TAOK1: variants seen among roughly 807,000 people sequenced by gnomAD.
TAOK1 encodes TAO kinase 1, also known as serine/threonine-protein kinase TAO1.
A neutral mutation model predicts 138.3 loss-of-function variants in TAOK1; 21 were observed. The ratio of observed to expected loss-of-function variants is 0.15; its 90% CI spans 0.11 to 0.22. TAOK1 has a LOEUF of 0.22. Among genes scored for constraint, TAOK1 ranks in the 10% least tolerant of loss-of-function variants. TAOK1 has a pLI of 1.00. For missense variants in TAOK1, 651 were observed against 1,227.7 expected (o/e 0.53, Z 7.02); for synonymous variants, 361 against 398.4 (o/e 0.91, Z 1.12).
chr17:29,534,928 G>GGTGTGT (rs71138832), intron 19 of TAOK1, among the ~76,000 whole-genome samples: 3,118 of 147,296 alleles, frequency 0.021, 53 homozygotes, highest in African/African-American at 0.049. Flanking sequence ...AGGATACTAA[G>GGTGTGT]GTGTGTGTGT....
At chr17:29,451,160 T>C (rs767984455) in intron 1 of TAOK1, among the ~76,000 whole-genome samples, 4 of 152,242 alleles carry the variant, frequency 2.6e-5, no homozygotes, top group Non-Finnish European at 4.4e-5. Context: ...TCTTCTCTAT[T>C]GATGAGATGA....
chr17:29,484,650 G>A (rs2153027102), intron 8 of TAOK1, among the ~76,000 whole-genome samples: 1 of 152,120 alleles, frequency 6.6e-6, no homozygotes, highest in South Asian at 2.1e-4. Context: ...TGTTGTCCAG[G>A]CTGGAGTGTA....
rs1342911624 is a variant in TAOK1, at chr17:29,546,479, G to A, written c.*3457G>A. 1 of 151,936 alleles carries A rather than the reference G, an allele frequency of 6.6e-6. No individual in the cohort carries two copies. Among genetic ancestry groups the A allele is most frequent in the East Asian group, 1.9e-4 (1 of 5,184 alleles). 9.4% of individuals were successfully genotyped at this position (151,936 alleles called of 1,614,324 possible). A position where few individuals can be genotyped will look rare whatever the true frequency, so the allele number is the denominator to read the frequency against. On this transcript the variant is annotated 3_prime_UTR_variant, in exon 20 of 20. Coordinates refer to ENST00000261716, the MANE Select transcript of TAOK1 (RefSeq NM_020791.4). The stretch of plus-strand genomic sequence containing the variant: ...TATTTCTGTAAGTACTAAATGTCTG[G>A]CATTTTAAACTTTTGTAGAATACAT...
intron 8 of TAOK1, among the ~76,000 whole-genome samples, chr17:29,487,454 A>G (rs1053618590): frequency 6.6e-6 from 1 of 152,132 alleles, no homozygotes; most frequent in Non-Finnish European, 1.5e-5. Flanking sequence ...GTACATGTAT[A>G]TATTCCCAAC....
chr17:29,487,077 C>T (rs1294969469), intron 8 of TAOK1, among the ~76,000 whole-genome samples: 1 of 151,906 alleles, frequency 6.6e-6, no homozygotes, highest in Non-Finnish European at 1.5e-5. Context: ...GGTGAAACCC[C>T]GTCTCTACTA....
At chr17:29,417,634 A>C (rs1313086760) in intron 1 of TAOK1, among the ~76,000 whole-genome samples, 2 of 151,960 alleles carry the variant, frequency 1.3e-5, no homozygotes, top group East Asian at 3.9e-4. Context: ...CCTTCCCTAT[A>C]GTTTCTTCTG....
At chr17:29,395,207 G>A (rs998700752) in intron 1 of TAOK1, among the ~76,000 whole-genome samples, 8 of 152,136 alleles carry the variant, frequency 5.3e-5, no homozygotes, top group East Asian at 1.9e-4. Context: ...TCATGCCACC[G>A]CACTCTAGCC....
chr17:29,487,878 A>G (rs1240499815), intron 8 of TAOK1, among the ~76,000 whole-genome samples: 2 of 152,228 alleles, frequency 1.3e-5, no homozygotes, highest in Non-Finnish European at 2.9e-5. Context: ...AAACTTTATC[A>G]TGAAGAAGAC....
chr17:29,509,611 AG>A (rs2031683172), intron 14 of TAOK1, among the ~76,000 whole-genome samples: 1 of 151,958 alleles, frequency 6.6e-6, no homozygotes, highest in African/African-American at 2.4e-5. Flanking sequence ...GTATATAACC[AG>A]GATGGGTGCA....
chr17:29,493,408 C>T lies in TAOK1; in HGVS notation c.831+1543C>T, dbSNP rs1018954281. Among the ~76,000 whole-genome samples, 11 of 150,742 alleles carry T rather than the reference C, an allele frequency of 7.3e-5. No homozygotes were observed. In the East Asian group the frequency reaches 1.6e-3, roughly 22 times the overall value. On this transcript the variant is annotated intron_variant, in intron 10 of 19. Coordinates refer to ENST00000261716, the MANE Select transcript of TAOK1 (RefSeq NM_020791.4). ...ACTCAGGAGGCTGACGCAGGAGAAT[C>T]GCTTGAACCCAGGAGGCAGAGGTTG...
intron 2 of TAOK1, among the ~76,000 whole-genome samples, chr17:29,465,605 T>G (rs563874659): frequency 6.6e-6 from 1 of 152,274 alleles, no homozygotes; most frequent in East Asian, 1.9e-4. Context: ...ACAAGTTTTG[T>G]AGCCATCACT....
chr17:29,457,012 C>T (rs1224012592), intron 2 of TAOK1, among the ~76,000 whole-genome samples: 2 of 149,502 alleles, frequency 1.3e-5, no homozygotes, highest in Non-Finnish European at 2.9e-5. Flanking sequence ...GGATTACAGG[C>T]GTGAGCCACA....
chr17:29,495,862 A>T lies in TAOK1; in HGVS notation c.999+135A>T. 5 of 724,060 alleles carry T rather than the reference A, an allele frequency of 6.9e-6. No individual in the cohort carries two copies. In the South Asian group the frequency reaches 2.6e-4, roughly 38 times the overall value. 44.9% of individuals were successfully genotyped at this position (724,060 alleles called of 1,614,324 possible). ...ATTTTCTCAACACTGGTCCTATAAAATCCCAGTTAGGAATAAAAAAAGGTC... is the reference window on the plus strand; with the variant it reads ...ATTTTCTCAACACTGGTCCTATAAATTCCCAGTTAGGAATAAAAAAAGGTC... On this transcript the variant is annotated intron_variant, in intron 11 of 19. Transcript: ENST00000261716.
chr17:29,423,921 C>T (rs906729937), intron 1 of TAOK1, among the ~76,000 whole-genome samples: 3 of 151,718 alleles, frequency 2.0e-5, no homozygotes, highest in East Asian at 2.0e-4. Flanking sequence ...TGGTAGTGGA[C>T]GCCTGTAATC....
Position 29,523,522 on chromosome 17 carries a change from G to A in TAOK1, c.2148+1003G>A, listed in dbSNP as rs1035372382. On this transcript the variant is annotated intron_variant, in intron 17 of 19. Transcript: ENST00000261716. ...CCTGCCTCAGCCTCCCTAGTAGCTG[G>A]GACTACAGGTGCCTGCCACCACGCC... 7.2e-5 allele frequency among the ~76,000 whole-genome samples: 11 copies of A among 152,106 alleles called. 1 individual carries two copies. The highest frequency in any genetic ancestry group is 7.2e-4 in the Admixed American group (11 of 15,256).
intron 2 of TAOK1, among the ~76,000 whole-genome samples, chr17:29,458,557 G>T (rs1244064870): frequency 1.3e-5 from 2 of 152,124 alleles, no homozygotes; most frequent in Non-Finnish European, 2.9e-5. Flanking sequence ...GAGTGCAATG[G>T]CACAATCTTG....
intron 1 of TAOK1, among the ~76,000 whole-genome samples, chr17:29,414,075 G>C (rs1905210361): frequency 6.6e-6 from 1 of 151,682 alleles, no homozygotes; most frequent in Admixed American, 6.6e-5. Context: ...AGTAGAGACG[G>C]GGTTTCACTG....
intron 17 of TAOK1, among the ~76,000 whole-genome samples, chr17:29,524,256 A>G (rs538336722): frequency 2.0e-5 from 3 of 151,898 alleles, no homozygotes; most frequent in Admixed American, 2.0e-4. Flanking sequence ...CAGAATAGAC[A>G]ATCTCCCATG....
intron 11 of TAOK1, among the ~76,000 whole-genome samples, chr17:29,496,101 A>T (rs535113296): frequency 3.3e-5 from 5 of 151,032 alleles, no homozygotes; most frequent in Non-Finnish European, 7.4e-5. Flanking sequence ...TTATTTTTTA[A>T]TTTTTTTGTT....
Sources: gnomAD v4.1 joint callset for allele counts (sites outside exome capture counted in the v4.1 genomes callset) on GRCh38, gnomAD v4.1.1 for gene constraint, MANE v1.5 for transcripts, NCBI Gene and HGNC (gene_info 2026-07-23, HGNC 2026-07-21) for gene names.